GRM8: variants seen among roughly 807,000 people sequenced by gnomAD.
GRM8 encodes the protein glutamate metabotropic receptor 8.
Under a neutral mutation model 87.2 loss-of-function variants are expected in GRM8, and 47 were observed. The ratio of observed to expected loss-of-function variants is 0.54; its 90% CI spans 0.43 to 0.69. The LOEUF (loss-of-function observed/expected upper bound fraction) is 0.69. Among genes scored for constraint, GRM8 ranks in the 30% least tolerant of loss-of-function variants. The pLI is 0.00. For missense variants in GRM8, 1,019 were observed against 1,139.2 expected (o/e 0.89, Z 1.52); for synonymous variants, 396 against 404.5 (o/e 0.98, Z 0.25).
chr7:126,456,588 A>C (rs2150504348), intron 9 of GRM8, among the ~76,000 whole-genome samples: 1 of 148,332 alleles, frequency 6.7e-6, no homozygotes, highest in East Asian at 2.0e-4. Flanking sequence ...GTTAGAATTC[A>C]GGTCCATGGA....
At chr7:126,477,581 G>GAGAAAGAA (rs36192147) in intron 9 of GRM8, among the ~76,000 whole-genome samples, 1,763 of 79,028 alleles carry the variant, frequency 0.022, 20 homozygotes, top group Non-Finnish European at 0.028. Flanking sequence ...GAAAGAAAGA[G>GAGAAAGAA]AGAAAGAAAG....
intron 8 of GRM8, among the ~76,000 whole-genome samples, chr7:126,564,620 C>A (rs1794034399): frequency 6.6e-6 from 1 of 152,040 alleles, no homozygotes; most frequent in Admixed American, 6.6e-5. Context: ...AAGTGCAGGA[C>A]CAGATGGCTT....
intron 8 of GRM8, among the ~76,000 whole-genome samples, chr7:126,540,002 T>A (rs1266249226): frequency 1.3e-5 from 2 of 152,092 alleles, no homozygotes; most frequent in African/African-American, 4.8e-5. Flanking sequence ...CCAAGATTGT[T>A]AGAAGACAAC....
At chr7:126,648,341 A>G (rs1192413118) in intron 7 of GRM8, among the ~76,000 whole-genome samples, 1 of 152,230 alleles carries the variant, frequency 6.6e-6, no homozygotes, top group Non-Finnish European at 1.5e-5. Flanking sequence ...TCATTTTAGT[A>G]AAAATTTTCT....
At chr7:126,861,510 C>T (rs368040333) in intron 6 of GRM8, among the ~76,000 whole-genome samples, 2 of 152,110 alleles carry the variant, frequency 1.3e-5, no homozygotes, top group African/African-American at 4.8e-5. Flanking sequence ...TCTCCCACCA[C>T]TAGTATTTGA....
At chr7:126,779,587 C>G (rs1467354342) in intron 6 of GRM8, among the ~76,000 whole-genome samples, 2 of 152,034 alleles carry the variant, frequency 1.3e-5, no homozygotes, top group Non-Finnish European at 2.9e-5. Context: ...CAATACTAAG[C>G]CTCCATTTGC....
chr7:126,482,102 G>A (rs1189273661), intron 9 of GRM8, among the ~76,000 whole-genome samples: 1 of 151,992 alleles, frequency 6.6e-6, no homozygotes, highest in Non-Finnish European at 1.5e-5. Context: ...ATAAGTATGA[G>A]ACACCACCTG....
chr7:127,037,832 CGTGTGTGTGT>C (rs367605693), intron 3 of GRM8, among the ~76,000 whole-genome samples: 2 of 147,426 alleles, frequency 1.4e-5, no homozygotes, highest in Admixed American at 6.8e-5. Flanking sequence ...CATGCGCATC[CGTGTGTGTGT>C]GTGTGTGTGT....
intron 3 of GRM8, among the ~76,000 whole-genome samples, chr7:127,063,209 C>T (rs367711692): frequency 2.0e-4 from 31 of 151,864 alleles, no homozygotes; most frequent in African/African-American, 6.0e-4. Context: ...GCCGAGATCA[C>T]GCCACTGCAC....
At chr7:127,032,625 G>C (rs1224833164) in intron 3 of GRM8, among the ~76,000 whole-genome samples, 1 of 152,096 alleles carries the variant, frequency 6.6e-6, no homozygotes, top group African/African-American at 2.4e-5. Flanking sequence ...ATTCCCACCA[G>C]AGATAAATAG....
chr7:126,482,639 G>C lies in GRM8; in HGVS notation c.2431-36267C>G, dbSNP rs79202205. Reference sequence around the variant, plus strand: ...AGAATGGTAGATCCAGGGTCTGGGGGGAAGAGGAATTGAGAAGATATTGTT... The same window carrying C: ...AGAATGGTAGATCCAGGGTCTGGGGCGAAGAGGAATTGAGAAGATATTGTT... On this transcript the variant is annotated intron_variant, in intron 9 of 10. Transcript: ENST00000339582. Among the ~76,000 whole-genome samples, 1,079 of 152,012 alleles carry C rather than the reference G, an allele frequency of 7.1e-3. 13 individuals are homozygous for C. Among genetic ancestry groups the C allele is most frequent in the African/African-American group, 0.025 (1,036 of 41,528 alleles).
intron 3 of GRM8, among the ~76,000 whole-genome samples, chr7:126,944,038 T>C (rs776758309): frequency 9.9e-5 from 15 of 152,188 alleles, no homozygotes; most frequent in Non-Finnish European, 2.9e-5. Context: ...GCTAAATCTA[T>C]TAACAAGCAA....
intron 3 of GRM8, among the ~76,000 whole-genome samples, chr7:127,071,591 A>G (rs1821694551): frequency 6.6e-6 from 1 of 152,192 alleles, no homozygotes; most frequent in African/African-American, 2.4e-5. Context: ...GACTGGATCA[A>G]AAGCTAGGTG....
chr7:126,671,474 T>C (rs1200808227), intron 7 of GRM8, among the ~76,000 whole-genome samples: 1 of 152,206 alleles, frequency 6.6e-6, no homozygotes, highest in Non-Finnish European at 1.5e-5. Flanking sequence ...AAATGAGGAC[T>C]TGCAAGAGAG....
At chr7:126,587,260 T>A (rs1156794091) in intron 8 of GRM8, among the ~76,000 whole-genome samples, 3 of 152,178 alleles carry the variant, frequency 2.0e-5, no homozygotes, top group Non-Finnish European at 2.9e-5. Context: ...ATTGTGGAAG[T>A]CAGTGTGGCG....
intron 8 of GRM8, among the ~76,000 whole-genome samples, chr7:126,567,174 T>C (rs369905484): frequency 3.3e-5 from 5 of 152,236 alleles, no homozygotes; most frequent in East Asian, 3.9e-4. Context: ...CTGGACAACA[T>C]TGTAGCTATA....
At chr7:126,797,295 T>A (rs1388632685) in intron 6 of GRM8, among the ~76,000 whole-genome samples, 2 of 152,130 alleles carry the variant, frequency 1.3e-5, no homozygotes, top group Non-Finnish European at 2.9e-5. Flanking sequence ...GTGTTGTGAA[T>A]AGCATTAGTA....
intron 6 of GRM8, among the ~76,000 whole-genome samples, chr7:126,841,063 T>A (rs913656067): frequency 6.6e-6 from 1 of 152,244 alleles, no homozygotes; most frequent in Non-Finnish European, 1.5e-5. Context: ...AGAATGAGCC[T>A]TAACTTCTCC....
intron 9 of GRM8, among the ~76,000 whole-genome samples, chr7:126,504,860 A>G (rs1012231577): frequency 1.3e-5 from 2 of 152,084 alleles, no homozygotes; most frequent in Non-Finnish European, 2.9e-5. Context: ...AGTGCTCTGG[A>G]AAAGAGCTTC....
Sources: gnomAD v4.1 joint callset for allele counts (sites outside exome capture counted in the v4.1 genomes callset) on GRCh38, gnomAD v4.1.1 for gene constraint, MANE v1.5 for transcripts, NCBI Gene and HGNC (gene_info 2026-07-23, HGNC 2026-07-21) for gene names.